LRCH1: variants seen among roughly 807,000 people sequenced by gnomAD.
LRCH1 encodes leucine-rich repeat and calponin homology domain-containing protein 1.
A neutral mutation model predicts 94.9 loss-of-function variants in LRCH1; 23 were observed. The observed-to-expected ratio is 0.24, with a 90% CI of 0.17 to 0.34. The LOEUF is 0.34. Among genes scored for constraint, LRCH1 ranks in the 10% least tolerant of loss-of-function variants. The pLI is 1.00. For missense variants in LRCH1, 790 were observed against 945.9 expected, an observed-to-expected ratio of 0.84 and a Z score of 2.16; for synonymous variants, 364 against 354.9, an observed-to-expected ratio of 1.03 and a Z score of -0.29.
At chr13:46,559,195 T>C (rs1005233406) in intron 1 of LRCH1, among the ~76,000 whole-genome samples, 1 of 152,230 alleles carries the variant, frequency 6.6e-6, no homozygotes, top group African/African-American at 2.4e-5. Flanking sequence ...TCACTATAAA[T>C]ATAATAAAAT....
intron 13 of LRCH1, among the ~76,000 whole-genome samples, chr13:46,708,346 A>G (rs1015881302): frequency 4.2e-5 from 6 of 141,504 alleles, no homozygotes; most frequent in African/African-American, 1.6e-4. Flanking sequence ...ATCTCGGCTC[A>G]CTGCAACCTC....
At chr13:46,593,385 A>C (rs1001620625) in intron 1 of LRCH1, among the ~76,000 whole-genome samples, 2 of 151,620 alleles carry the variant, frequency 1.3e-5, no homozygotes, top group Admixed American at 6.6e-5. Context: ...CCATTCTTCA[A>C]ACATTTCTAG....
At chr13:46,578,384 G>A (rs2050326732) in intron 1 of LRCH1, among the ~76,000 whole-genome samples, 2 of 152,338 alleles carry the variant, frequency 1.3e-5, no homozygotes, top group South Asian at 4.1e-4. Context: ...GCTGCTTTTA[G>A]TGCATCGCAG....
At chr13:46,688,003 C>G in intron 6 of LRCH1, 24 bp downstream of exon 6, 1 of 1,589,282 alleles carries the variant, frequency 6.3e-7, no homozygotes, top group African/African-American at 1.3e-5. Context: ...TCATTCAAAG[C>G]CCCAGTTTAA....
chr13:46,698,440 C>T (rs753292276), intron 9 of LRCH1, among the ~76,000 whole-genome samples: 4 of 151,394 alleles, frequency 2.6e-5, no homozygotes, highest in African/African-American at 4.9e-5. Flanking sequence ...ACTACATTGC[C>T]GCTTTGGGAA....
At chr13:46,710,543 G>A (rs898529673) in intron 13 of LRCH1, among the ~76,000 whole-genome samples, 5 of 152,276 alleles carry the variant, frequency 3.3e-5, no homozygotes, top group Admixed American at 1.3e-4. Context: ...AAGGGTCTGC[G>A]AGACGATAGG....
chr13:46,624,596 A>G (rs1433574477), intron 1 of LRCH1, among the ~76,000 whole-genome samples: 1 of 152,224 alleles, frequency 6.6e-6, no homozygotes, highest in African/African-American at 2.4e-5. Flanking sequence ...GAAAAGTCTT[A>G]CAGGCTATCA....
At position 46,646,950 on chromosome 13, in the gene LRCH1, TA is replaced by T. The variant is rs201952277; in HGVS notation, c.308-3246del. Among the ~76,000 whole-genome samples, 460 of 152,000 alleles carry T rather than the reference TA, an allele frequency of 3.0e-3. 7 individuals are homozygous for T. Among genetic ancestry groups the T allele is most frequent in the African/African-American group, 0.011 (438 of 41,446 alleles). On this transcript the variant is annotated intron_variant, in intron 1 of 19. Coordinates refer to ENST00000389797, the MANE Select transcript of LRCH1 (RefSeq NM_001164211.2). ...CCACATGGTGAAACCCCATCTGTAC[TA>T]AAAATACAAAAATTAGCTGGACGTG... is the stretch of plus-strand genomic sequence containing the variant.
intron 1 of LRCH1, among the ~76,000 whole-genome samples, chr13:46,627,906 C>T (rs2050970103): frequency 6.6e-6 from 1 of 152,100 alleles, no homozygotes; most frequent in South Asian, 2.1e-4. Context: ...GGTGTCTCTG[C>T]TATAATTCAA....
chr13:46,699,242 A>T, intron 9 of LRCH1, 94 bp from the exon 10 acceptor site: 1 of 940,570 alleles, frequency 1.1e-6, no homozygotes, highest in Admixed American at 1.8e-5. Flanking sequence ...GGCTATTGTG[A>T]ATAACGCTGT....
At chr13:46,574,140 T>C (rs1327193879) in intron 1 of LRCH1, among the ~76,000 whole-genome samples, 1 of 151,784 alleles carries the variant, frequency 6.6e-6, no homozygotes, top group East Asian at 1.9e-4. Context: ...CCACTGTGCC[T>C]GACCATATAG....
At chr13:46,670,951 G>T (rs2051593154) in intron 3 of LRCH1, among the ~76,000 whole-genome samples, 1 of 152,194 alleles carries the variant, frequency 6.6e-6, no homozygotes, top group Non-Finnish European at 1.5e-5. Context: ...ATAGAATGGG[G>T]CTGGGCACAC....
intron 1 of LRCH1, among the ~76,000 whole-genome samples, chr13:46,600,112 CTGGCCTCAGG>C (rs1399234621): frequency 6.6e-6 from 1 of 152,194 alleles, no homozygotes; most frequent in Non-Finnish European, 1.5e-5. Flanking sequence ...TCTTGAACTC[CTGGCCTCAGG>C]TGATCCACCC....
At chr13:46,667,698 A>T (rs1402648419) in intron 2 of LRCH1, among the ~76,000 whole-genome samples, 3 of 151,856 alleles carry the variant, frequency 2.0e-5, no homozygotes, top group East Asian at 3.9e-4. Context: ...AAAATAAAAA[A>T]TAAAGAATTT....
intron 1 of LRCH1, among the ~76,000 whole-genome samples, chr13:46,617,399 A>G (rs1441871193): frequency 6.6e-6 from 1 of 152,190 alleles, no homozygotes; most frequent in Non-Finnish European, 1.5e-5. Context: ...TAAAATAAGG[A>G]TGTCGGCAAA....
intron 1 of LRCH1, among the ~76,000 whole-genome samples, chr13:46,582,370 C>CTTT (rs10686269): frequency 0.52 from 40,844 of 79,262 alleles, 10,391 homozygotes; most frequent in East Asian, 0.61. Context: ...TTGCTCTCAT[C>CTTT]TTTTTTTTTT....
chr13:46,564,222 C>T (rs2050158673), intron 1 of LRCH1, among the ~76,000 whole-genome samples: 2 of 152,182 alleles, frequency 1.3e-5, no homozygotes, highest in South Asian at 2.1e-4. Flanking sequence ...GGGCCATCAG[C>T]CTTTCCTAGC....
At chr13:46,736,682 T>C (rs1429180926) in intron 19 of LRCH1, among the ~76,000 whole-genome samples, 1 of 152,238 alleles carries the variant, frequency 6.6e-6, no homozygotes, top group East Asian at 1.9e-4. Flanking sequence ...TATTCACTGA[T>C]TTCCTAGTAG....
At chr13:46,663,187 GATA>G (rs1180402006) in intron 2 of LRCH1, among the ~76,000 whole-genome samples, 20 of 152,222 alleles carry the variant, frequency 1.3e-4, no homozygotes, top group African/African-American at 4.3e-4. Flanking sequence ...AAATATATAA[GATA>G]ATAATAAATC....
Sources: gnomAD v4.1 joint callset for allele counts (sites outside exome capture counted in the v4.1 genomes callset) on GRCh38, gnomAD v4.1.1 for gene constraint, MANE v1.5 for transcripts, NCBI Gene and HGNC (gene_info 2026-07-23, HGNC 2026-07-21) for gene names.